Variants in NOTCH3 observed in about 807,000 individuals in gnomAD.
NOTCH3 encodes the protein neurogenic locus notch homolog protein 3.
NOTCH3 carries 86 observed loss-of-function variants against 213.3 expected under a neutral mutation model. The observed-to-expected ratio is 0.40, with a 90% CI of 0.34 to 0.48. The LOEUF (loss-of-function observed/expected upper bound fraction) is 0.48. Ranked by LOEUF, NOTCH3 falls within the 20% of genes least tolerant of loss-of-function variation. NOTCH3 has a pLI of 0.57. For missense variants in NOTCH3, 2,783 were observed against 3,272.6 expected (o/e 0.85, Z 3.65); for synonymous variants, 1,354 against 1,355.9 (o/e 1.00, Z 0.03).
intron 8 of NOTCH3, 52 bp from the exon 9 acceptor site, chr19:15,188,400 C>A: frequency 8.2e-7 from 1 of 1,216,258 alleles, no homozygotes; most frequent in Non-Finnish European, 1.2e-6. Flanking sequence ...ATGGTGTGAA[C>A]GGGGTGCAAG....
chr19:15,175,744 T>C (rs1599376597), intron 24 of NOTCH3, among the ~76,000 whole-genome samples: 1 of 146,116 alleles, frequency 6.8e-6, no homozygotes, highest in Non-Finnish European at 1.5e-5. Flanking sequence ...TTGAAGGAGG[T>C]GAGGGAGGAG....
chr19:15,181,139 C>G lies in NOTCH3; in HGVS notation c.2816G>C (p.Cys939Ser), dbSNP rs1170996533. Residue 939 changes from cysteine (C) to serine (S), a missense_variant, in exon 18 of 33, where the codon TGT (cysteine) becomes TCT (serine). Physicochemically the swap from Cys to Ser is moderately radical, Grantham distance 112. This residue lies in a region of NOTCH3 where 861 missense variants were observed against 909.1 expected (regional missense o/e 0.95). Transcript: ENST00000263388. ...SPSSCFNGGT[C>S]VDGVNSFSCL... Reference sequence around the variant, plus strand: ...GCTGAACGAGTTCACGCCGTCCACACAGGTCCCGCCATTGAAGCAGGAGCT... The same window carrying G: ...GCTGAACGAGTTCACGCCGTCCACAGAGGTCCCGCCATTGAAGCAGGAGCT... 1.2e-6 allele frequency: 2 copies of G among 1,606,532 alleles called. No homozygotes were observed. The highest frequency in any genetic ancestry group is 1.7e-6 in the Non-Finnish European group (2 of 1,177,140).
chr19:15,167,143 A>T (rs2046692598), intron 29 of NOTCH3, 106 bp downstream of exon 29: 2 of 1,237,972 alleles, frequency 1.6e-6, no homozygotes, highest in Non-Finnish European at 2.3e-6. Context: ...CCCTTCACAG[A>T]AGCTTAGAGA....
rs889655344 is a variant in NOTCH3, at chr19:15,165,692, G to A, written c.5667+95C>T. 2 of 1,480,012 alleles carry A rather than the reference G, an allele frequency of 1.4e-6. No homozygotes were observed. Among genetic ancestry groups the A allele is most frequent in the Non-Finnish European group, 1.8e-6 (2 of 1,084,280 alleles). 91.7% of individuals were successfully genotyped at this position (1,480,012 alleles called of 1,614,324 possible). A position where few individuals can be genotyped will look rare whatever the true frequency, so the allele number is the denominator to read the frequency against. On this transcript the variant is annotated intron_variant, in intron 30 of 32. Coordinates refer to ENST00000263388, the MANE Select transcript of NOTCH3 (RefSeq NM_000435.3). The surrounding 1 kb of genome is among the most constrained non-coding windows in gnomAD (Gnocchi z 4.7). ...CCATATATCCCCATTTTCCAAATGA[G>A]AAAAAATGAGTCTGAAAGGCAGAAC...
intron 6 of NOTCH3, 57 bp downstream of exon 6, chr19:15,191,367 T>C: frequency 7.0e-7 from 1 of 1,428,854 alleles, no homozygotes; most frequent in Non-Finnish European, 9.8e-7. Flanking sequence ...GTCAGACTTC[T>C]TATTTGCCCT....
chr19:15,175,501 T>C (rs1290216502), intron 24 of NOTCH3, among the ~76,000 whole-genome samples: 1 of 124,080 alleles, frequency 8.1e-6, no homozygotes, highest in Non-Finnish European at 1.6e-5. Context: ...ACCACTGCAC[T>C]CCAGCCTGGG....
chr19:15,196,050 G>T (rs964425077), intron 2 of NOTCH3, among the ~76,000 whole-genome samples: 1 of 149,608 alleles, frequency 6.7e-6, no homozygotes, highest in East Asian at 2.0e-4. Flanking sequence ...CAGCTTGGGG[G>T]CATCCTTGAA....
In NOTCH3 at chr19:15,165,846, G is replaced by T; in HGVS notation, c.5608C>A (p.His1870Asn). The change falls in exon 30 of 33, where the codon CAC becomes AAC. Residue 1870 changes from histidine to asparagine, a missense_variant. Around this residue, in one of 6 missense-constraint regions of NOTCH3, gnomAD observed 636 missense variants for 801.8 expected, o/e 0.79. Coordinates refer to ENST00000263388, the MANE Select transcript of NOTCH3 (RefSeq NM_000435.3). This position sits in a 1 kb window ranked among gnomAD's most constrained non-coding sequence, Gnocchi z 4.7. The stretch of plus-strand genomic sequence containing the variant: ...GTGTGCAGGGGAGTGCGGCCTGAGT[G>T]GTCCTGGGCATTGGTGTCTGCCCCA... ...DAGADTNAQDHSGRTPLHTAV... is the reference protein window; with the variant it reads ...DAGADTNAQDNSGRTPLHTAV... The T allele has an allele frequency of 1.9e-6, 3 of 1,614,014 alleles. No individual in the cohort carries two copies. Among genetic ancestry groups the T allele is most frequent in the Admixed American group, 3.3e-5 (2 of 60,018 alleles).
intron 6 of NOTCH3, among the ~76,000 whole-genome samples, chr19:15,190,130 C>T (rs1487660420): frequency 6.6e-6 from 1 of 151,922 alleles, no homozygotes; most frequent in Non-Finnish European, 1.5e-5. Context: ...AAAGCTTAGC[C>T]GGGCATGGTG....
chr19:15,182,629 ATTTACT>A (rs2046850026), intron 16 of NOTCH3, among the ~76,000 whole-genome samples: 1 of 151,408 alleles, frequency 6.6e-6, no homozygotes, highest in East Asian at 1.9e-4. Flanking sequence ...TTATTTATTT[ATTTACT>A]TTTATTTTTA....
rs1349902555 is a variant in NOTCH3, at chr19:15,189,142, C to G, written c.1225G>C (p.Val409Leu). Residue 409 changes from valine to leucine, a missense_variant, in exon 8 of 33, where the codon GTG becomes CTG. Transcript: ENST00000263388. Reference sequence around the variant, plus strand: ...CACAGGAAGGAGCCCTGCGTGTTCACGCACCTGCCCAAGTGCTCGCAGGGG... The same window carrying G: ...CACAGGAAGGAGCCCTGCGTGTTCAGGCACCTGCCCAAGTGCTCGCAGGGG... Reference protein sequence around the residue: ...ANPCEHLGRCVNTQGSFLCQC... With the variant: ...ANPCEHLGRCLNTQGSFLCQC... 6.2e-7 allele frequency: 1 copy of G among 1,613,252 alleles called. No individual in the cohort carries two copies.
rs538216206 is a variant in NOTCH3, at chr19:15,177,021, A to C, written c.4403+504T>G. On this transcript the variant is annotated intron_variant, in intron 24 of 32. Coordinates refer to ENST00000263388, the MANE Select transcript of NOTCH3 (RefSeq NM_000435.3). The stretch of plus-strand genomic sequence containing the variant: ...CGGGAGGCGGAGGTTGCAGTGAGCC[A>C]AGATGGAGCCATTGCACTCCAGTCT... 2.1e-5 allele frequency among the ~76,000 whole-genome samples: 3 copies of C among 143,054 alleles called. No individual in the cohort carries two copies. The South Asian group carries it at 6.8e-4, about 32-fold the overall frequency. The allele number at this position is 143,054 out of a possible 152,430, so 93.8% of individuals were successfully genotyped here. A position where few individuals can be genotyped will look rare whatever the true frequency, so the allele number is the denominator to read the frequency against.
rs1356254167 is a variant in NOTCH3 at position 15,177,531 on chromosome 19, G to C, written c.4397C>G (p.Thr1466Ser). The C allele has an allele frequency of 6.2e-7, 1 of 1,609,558 alleles. No homozygotes were observed. The highest frequency in any genetic ancestry group is 1.1e-5 in the South Asian group (1 of 90,264). Reference sequence around the variant, plus strand: ...ATCGGGTGGATGGGCTCACTTGCAAGTGCGCTCGCGGCCACCGGCGTGGCA... The same window carrying C: ...ATCGGGTGGATGGGCTCACTTGCAACTGCGCTCGCGGCCACCGGCGTGGCA... The part of the protein sequence containing the change: ...FDCHAGGRER[T>S]CNPVYEKYCA... Residue 1466 changes from threonine to serine, a missense_variant, in exon 24 of 33, where the codon ACT becomes AGT. Thr to Ser is a moderately conservative substitution (Grantham distance 58, BLOSUM62 1). Around this residue, in one of 6 missense-constraint regions of NOTCH3, gnomAD observed 636 missense variants for 801.8 expected, o/e 0.79. Coordinates refer to ENST00000263388, the MANE Select transcript of NOTCH3 (RefSeq NM_000435.3).
At chr19:15,163,777 G>A (rs2046663544) in intron 31 of NOTCH3, among the ~76,000 whole-genome samples, 1 of 152,122 alleles carries the variant, frequency 6.6e-6, no homozygotes, top group African/African-American at 2.4e-5. Context: ...GCTGCAGAGA[G>A]CCGTAATCAT....
At chr19:15,194,973 A>T (rs1329852573) in intron 2 of NOTCH3, among the ~76,000 whole-genome samples, 1 of 147,886 alleles carries the variant, frequency 6.8e-6, no homozygotes, top group Non-Finnish European at 1.5e-5. Context: ...AAAAAAAAAA[A>T]AGGAAAAGGA....
chr19:15,199,593 C>G (rs1382297574), intron 1 of NOTCH3, among the ~76,000 whole-genome samples: 2 of 152,180 alleles, frequency 1.3e-5, no homozygotes, highest in Admixed American at 6.5e-5. Context: ...CTGGGTGTGT[C>G]TTTCCTGAGC....
rs1366893873 is a variant in NOTCH3 at position 15,189,355 on chromosome 19, C to A, written c.1110G>T (p.Pro370=). 1 of 1,613,994 alleles carries A rather than the reference C, an allele frequency of 6.2e-7. No individual in the cohort carries two copies. Among genetic ancestry groups the A allele is most frequent in the East Asian group, 2.2e-5 (1 of 44,876 alleles). Residue 370 remains proline (P), a synonymous_variant, in exon 7 of 33, where the codon CCG becomes CCT. Transcript: ENST00000263388. The part of the protein sequence containing the change: ...CHEDAICDTN[P]VNGRAICTCP... ...AGGTGCAAATGGCCCGGCCGTTCAC[C>A]GGATTTGTGTCACAGATAGCATCCT...
Position 15,160,608 on chromosome 19 carries a change from G to C in NOTCH3, c.*54C>G, listed in dbSNP as rs1568344706. 1 of 1,294,024 alleles carries C rather than the reference G, an allele frequency of 7.7e-7. No individual in the cohort carries two copies. Among genetic ancestry groups the C allele is most frequent in the Non-Finnish European group, 1.1e-6 (1 of 887,650 alleles). 80.2% of individuals were successfully genotyped at this position (1,294,024 alleles called of 1,614,324 possible). ...GGAAGGAAGAGACAGAGAAAGAAAG[G>C]AGGCAGGACGGGGGTCTCTTTAGGC... is the stretch of plus-strand genomic sequence containing the variant. On this transcript the variant is annotated 3_prime_UTR_variant, in exon 33 of 33. Coordinates refer to ENST00000263388, the MANE Select transcript of NOTCH3 (RefSeq NM_000435.3).
intron 6 of NOTCH3, 119 bp downstream of exon 6, chr19:15,191,305 T>G: frequency 2.1e-6 from 2 of 936,520 alleles, no homozygotes; most frequent in Non-Finnish European, 1.7e-6. Flanking sequence ...AGTGCTATGA[T>G]TACAGGCATG....
Sources: gnomAD v4.1 joint callset for allele counts (sites outside exome capture counted in the v4.1 genomes callset) on GRCh38, gnomAD v4.1.1 for gene constraint, gnomAD v4.1.1 regional missense constraint, Gnocchi (gnomAD v3.1) non-coding constraint, MANE v1.5 for transcripts, NCBI Gene and HGNC (gene_info 2026-07-23, HGNC 2026-07-21) for gene names.